Variants in PDE8B observed in about 807,000 individuals in gnomAD.
PDE8B encodes phosphodiesterase 8B, also known as high affinity cAMP-specific and IBMX-insensitive 3',5'-cyclic phosphodiesterase 8B.
PDE8B carries 26 observed loss-of-function variants against 101.3 expected under a neutral mutation model. The observed-to-expected ratio is 0.26, with a 90% CI of 0.19 to 0.36. PDE8B has a LOEUF of 0.36. Among genes scored for constraint, PDE8B ranks in the 10% least tolerant of loss-of-function variants. The pLI, the probability that PDE8B is intolerant of heterozygous loss-of-function variation, is 1.00. For synonymous variants in PDE8B, 424 were observed against 429.3 expected (o/e 0.99, Z 0.15); for missense variants, 810 against 1,163.1 (o/e 0.70, Z 4.42).
At chr5:77,385,561 T>C (rs1212050320) in intron 10 of PDE8B, among the ~76,000 whole-genome samples, 2 of 152,120 alleles carry the variant, frequency 1.3e-5, no homozygotes, top group Admixed American at 6.5e-5. Context: ...TTAATTGTGA[T>C]GTTAGGGTGT....
chr5:77,375,909 T>TTTGA (rs1786018124), intron 10 of PDE8B, among the ~76,000 whole-genome samples: 1 of 147,438 alleles, frequency 6.8e-6, no homozygotes, highest in Admixed American at 6.8e-5. Flanking sequence ...TTTTTTTTTT[T>TTTGA]GAGGCGGAGT....
chr5:77,395,515 T>A (rs1268707340), intron 10 of PDE8B, among the ~76,000 whole-genome samples: 1 of 151,088 alleles, frequency 6.6e-6, no homozygotes, highest in Non-Finnish European at 1.5e-5. Flanking sequence ...TTTTAAAAAT[T>A]TACCTTTTAA....
the PDE8B span, among the ~76,000 whole-genome samples, chr5:77,156,346 G>T: frequency 6.6e-6 from 1 of 152,172 alleles, no homozygotes; most frequent in African/African-American, 2.4e-5. Context: ...CTCAGAGAGG[G>T]GAATGAACCC....
chr5:77,384,535 A>G (rs747261694), intron 10 of PDE8B, among the ~76,000 whole-genome samples: 13 of 152,180 alleles, frequency 8.5e-5, no homozygotes, highest in Non-Finnish European at 1.9e-4. Context: ...GAGAGAGGGC[A>G]TCCTTGTCTT....
rs1239498970 is a variant in PDE8B, at chr5:77,400,192, C to T, written c.1168-56C>T. On this transcript the variant is annotated intron_variant, in intron 10 of 21. Transcript: ENST00000264917. ...CTAAATTGTTTGATGAGAAATATAG[C>T]AAATGGCATATTTAAAATCTTTCTC... The T allele has an allele frequency of 4.3e-6, 5 of 1,166,304 alleles. No homozygotes were observed. In the South Asian group the frequency reaches 6.1e-5, roughly 14 times the overall value. 72.2% of individuals were successfully genotyped at this position (1,166,304 alleles called of 1,614,324 possible).
At chr5:77,206,311 T>C (rs1453026739), upstream of PDE8B, among the ~76,000 whole-genome samples, 3 of 152,070 alleles carry the variant, frequency 2.0e-5, no homozygotes, top group Non-Finnish European at 2.9e-5. Context: ...ATAAACATAA[T>C]AGTAAGTGAG....
intron 13 of PDE8B, among the ~76,000 whole-genome samples, 168 bp from the exon 14 acceptor site, chr5:77,408,725 G>A (rs552815038): frequency 3.5e-4 from 54 of 152,276 alleles, no homozygotes; most frequent in Admixed American, 3.1e-3. Flanking sequence ...CCAGGAGCCC[G>A]CAGGGAGAAA....
At chr5:77,364,869 T>C (rs2150591795) in intron 10 of PDE8B, among the ~76,000 whole-genome samples, 1 of 152,322 alleles carries the variant, frequency 6.6e-6, no homozygotes, top group East Asian at 1.9e-4. Context: ...GAGCCTGCTC[T>C]CAAGCTGCTT....
At chr5:77,088,038 A>G in the PDE8B span, 2 of 152,332 alleles carry the variant, frequency 1.3e-5, no homozygotes, top group South Asian at 2.1e-4. Flanking sequence ...TCTCTTAAGG[A>G]AGCCTTGCAA....
At chr5:77,162,561 G>A in the PDE8B span, among the ~76,000 whole-genome samples, 1 of 152,062 alleles carries the variant, frequency 6.6e-6, no homozygotes, top group African/African-American at 2.4e-5. Context: ...TGGTACTAGG[G>A]AAAAAATAGA....
At chr5:77,176,353 T>A in the PDE8B span, among the ~76,000 whole-genome samples, 1 of 152,164 alleles carries the variant, frequency 6.6e-6, no homozygotes, top group Non-Finnish European at 1.5e-5. Context: ...AACAGAGTCT[T>A]ATGAAGGTTT....
intron 5 of PDE8B, among the ~76,000 whole-genome samples, chr5:77,334,876 GATCAAATAAGTTTGGGGA>G (rs1226138543): frequency 6.6e-6 from 1 of 152,128 alleles, no homozygotes; most frequent in Admixed American, 6.5e-5. Flanking sequence ...AGCCTTCTAT[GATCAAATAAGTTTGGGGA>G]ATCAGTGAAA....
chr5:77,125,969 A>C, the PDE8B span, among the ~76,000 whole-genome samples: 1 of 152,198 alleles, frequency 6.6e-6, no homozygotes, highest in Non-Finnish European at 1.5e-5. Flanking sequence ...TGTATATTTT[A>C]CCACAATAAA....
intron 1 of PDE8B, among the ~76,000 whole-genome samples, chr5:77,243,329 TTTTGAAAAAACACCCCAGC>T: frequency 6.6e-6 from 1 of 152,308 alleles, no homozygotes; most frequent in South Asian, 2.1e-4. Context: ...CATTTTTTTG[TTTTGAAAAAACACCCCAGC>T]TTTATTGGAG....
At chr5:77,336,851 G>T (rs1431963329) in intron 5 of PDE8B, among the ~76,000 whole-genome samples, 1 of 152,208 alleles carries the variant, frequency 6.6e-6, no homozygotes, top group African/African-American at 2.4e-5. Context: ...CTTCCAAAGA[G>T]ATCATTGATA....
At chr5:77,164,289 C>T in the PDE8B span, among the ~76,000 whole-genome samples, 2 of 152,178 alleles carry the variant, frequency 1.3e-5, no homozygotes, top group Non-Finnish European at 2.9e-5. Flanking sequence ...TCCTTTCATT[C>T]ATCATGGGGA....
chr5:77,231,245 G>A (rs540542124), intron 1 of PDE8B, among the ~76,000 whole-genome samples: 1 of 152,340 alleles, frequency 6.6e-6, no homozygotes, highest in Non-Finnish European at 1.5e-5. Context: ...ACAGCAGACA[G>A]TGTGGAAATT....
In PDE8B at chr5:77,249,566, G is replaced by T. The variant is rs185814465; in HGVS notation, c.339+38302G>T. Among the ~76,000 whole-genome samples the T allele has an allele frequency of 1.6e-3, 250 of 152,340 alleles. 1 individual carries two copies. Among genetic ancestry groups the T allele is most frequent in the Non-Finnish European group, 2.8e-3 (190 of 68,032 alleles). On this transcript the variant is annotated intron_variant, in intron 1 of 21. Coordinates refer to ENST00000264917, the MANE Select transcript of PDE8B (RefSeq NM_003719.5). ...CCCAAGGAGAAATCAGGAAAATTTA[G>T]AACGAAGGTTTTGTCTTTGTCCTTA...
chr5:77,287,509 T>A lies in PDE8B; in HGVS notation c.340-24485T>A, dbSNP rs905763127. Among the ~76,000 whole-genome samples, 8 of 152,244 alleles carry A rather than the reference T, an allele frequency of 5.3e-5. No individual in the cohort carries two copies. In the East Asian group the frequency reaches 1.5e-3, roughly 29 times the overall value. On this transcript the variant is annotated intron_variant, in intron 1 of 21. Transcript: ENST00000264917. ...TGCAGCTTGATTTGTTTCTTCAATATTGGAATATTCTCCACCATTTTCTCT... is the reference window on the plus strand; with the variant it reads ...TGCAGCTTGATTTGTTTCTTCAATAATGGAATATTCTCCACCATTTTCTCT...
Sources: allele counts gnomAD v4.1 joint callset (sites outside exome capture counted in the v4.1 genomes callset), GRCh38; gene constraint gnomAD v4.1.1; transcripts MANE v1.5; gene names NCBI Gene and HGNC (gene_info 2026-07-23, HGNC 2026-07-21).